The following TBX4 variants were observed in gnomAD, a reference collection of about 807,000 sequenced individuals.
TBX4 encodes T-box transcription factor TBX4.
TBX4 carries 13 observed loss-of-function variants against 54.6 expected under a neutral mutation model. That is an observed-to-expected ratio of 0.24 (90% CI 0.15 to 0.38). TBX4 has a LOEUF of 0.38. Ranked by LOEUF, TBX4 falls within the 10% of genes least tolerant of loss-of-function variation. The pLI, the probability that TBX4 is intolerant of heterozygous loss-of-function variation, is 1.00. For missense variants in TBX4, 631 were observed against 728.5 expected (o/e 0.87, Z 1.54); for synonymous variants, 314 against 306.7 (o/e 1.02, Z -0.25).
Position 61,480,394 on chromosome 17 carries a change from G to GCC in TBX4, c.1021+85_1021+86dup, listed in dbSNP as rs112008276. ...GTTCTCCCCGAAACCACTCTGCAGC[G>GCC]CCCCCCCCCCCAACACACACACACT... is the stretch of plus-strand genomic sequence containing the variant. On this transcript the variant is annotated intron_variant, in intron 8 of 8. Coordinates refer to ENST00000644296, the MANE Select transcript of TBX4 (RefSeq NM_001321120.2). This position sits in a 1 kb window ranked among gnomAD's most constrained non-coding sequence, Gnocchi z 6.2. 772 of 936,184 alleles carry GCC rather than the reference G, an allele frequency of 8.2e-4. 2 individuals are homozygous for GCC. In the African/African-American group the frequency reaches 8.8e-3, roughly 11 times the overall value. 58.0% of individuals were successfully genotyped at this position (936,184 alleles called of 1,614,324 possible).
intron 2 of TBX4, 47 bp downstream of exon 2, chr17:61,456,723 T>C (rs2143793141): frequency 7.6e-7 from 1 of 1,316,494 alleles, no homozygotes; most frequent in Non-Finnish European, 9.8e-7. Context: ...TCGGTCTGTC[T>C]GCGGGGCCGC....
chr17:61,478,235 A>G lies in TBX4; in HGVS notation c.550-392A>G. Reference sequence around the variant, plus strand: ...ACAGAGAAGCCCAGTGACTTGTCTGAGATCAAACAGTGACTCGGTGGCACC... The same window carrying G: ...ACAGAGAAGCCCAGTGACTTGTCTGGGATCAAACAGTGACTCGGTGGCACC... On this transcript the variant is annotated intron_variant, in intron 5 of 8. Transcript: ENST00000644296. The surrounding 1 kb of genome is among the most constrained non-coding windows in gnomAD (Gnocchi z 7.4). The G allele has an allele frequency of 3.2e-6, 1 of 308,504 alleles. No individual in the cohort carries two copies. The highest frequency in any genetic ancestry group is 6.3e-6 in the Non-Finnish European group (1 of 159,000). 19.1% of individuals were successfully genotyped at this position (308,504 alleles called of 1,614,324 possible). A position where few individuals can be genotyped will look rare whatever the true frequency, so the allele number is the denominator to read the frequency against.
chr17:61,456,490 G>T lies in TBX4; in HGVS notation c.-1G>T. Reference sequence around the variant, plus strand: ...CTCGTTGTGTGCTGTGCCCGCAGGAGATGCTGCAGGATAAGGGCCTGTCCG... The same window carrying T: ...CTCGTTGTGTGCTGTGCCCGCAGGATATGCTGCAGGATAAGGGCCTGTCCG... On this transcript the variant is annotated splice_region_variant and 5_prime_UTR_variant, in exon 2 of 9. Transcript: ENST00000644296. The T allele has an allele frequency of 6.4e-7, 1 of 1,568,704 alleles. No homozygotes were observed. The highest frequency in any genetic ancestry group is 2.4e-5 in the East Asian group (1 of 42,386).
In TBX4 at chr17:61,478,446, G is replaced by C. The variant is rs375356455; in HGVS notation, c.550-181G>C. 186 of 738,844 alleles carry C rather than the reference G, an allele frequency of 2.5e-4. 2 individuals carry two copies. The highest frequency in any genetic ancestry group is 1.3e-3 in the South Asian group (76 of 59,108). The allele number at this position is 738,844 out of a possible 1,614,324, so 45.8% of individuals were successfully genotyped here. ...AGAGGCTAAGTAGGGCTGGGGTGGG[G>C]AGAGTTTGGGGCCCAGGGGCCTGGT... On this transcript the variant is annotated intron_variant, in intron 5 of 8. Coordinates refer to ENST00000644296, the MANE Select transcript of TBX4 (RefSeq NM_001321120.2). The surrounding 1 kb of genome is among the most constrained non-coding windows in gnomAD (Gnocchi z 7.4).
rs1328010487 is a variant in TBX4, at chr17:61,456,574, C to T, written c.84C>T (p.Asn28=). Residue 28 remains asparagine (N), a synonymous_variant, in exon 2 of 9, where the codon AAC becomes AAT. Coordinates refer to ENST00000644296, the MANE Select transcript of TBX4 (RefSeq NM_001321120.2). The part of the protein sequence containing the change: ...GPALGEASAA[N]APEPALAAPG... ...CGCTCGGAGAGGCCAGCGCAGCCAACGCCCCCGAGCCCGCGCTGGCAGCGC... is the reference window on the plus strand; with the variant it reads ...CGCTCGGAGAGGCCAGCGCAGCCAATGCCCCCGAGCCCGCGCTGGCAGCGC... The T allele has an allele frequency of 3.2e-6, 5 of 1,540,354 alleles. No homozygotes were observed. Among genetic ancestry groups the T allele is most frequent in the Non-Finnish European group, 4.4e-6 (5 of 1,142,398 alleles).
intron 8 of TBX4, among the ~76,000 whole-genome samples, chr17:61,482,566 G>C (rs539089687): frequency 6.6e-6 from 1 of 152,310 alleles, no homozygotes; most frequent in East Asian, 1.9e-4. Flanking sequence ...GGCCTAGCCT[G>C]AGAATGCCAC....
In TBX4 at chr17:61,461,938, T is replaced by A. The variant is rs547110671; in HGVS notation, c.282-3881T>A. On this transcript the variant is annotated intron_variant, in intron 3 of 8. Transcript: ENST00000644296. The surrounding 1 kb of genome is among the most constrained non-coding windows in gnomAD (Gnocchi z 5.1). ...TCCAGGTGGAGAGAATCTAGGGGTA[T>A]CCCCTAGTCTCTGTCCCTTTCCCCA... Among the ~76,000 whole-genome samples the A allele has an allele frequency of 2.0e-5, 3 of 151,942 alleles. No homozygotes were observed. The highest frequency in any genetic ancestry group is 4.4e-5 in the Non-Finnish European group (3 of 67,942).
chr17:61,472,658 T>C lies in TBX4; in HGVS notation c.549+5001T>C, dbSNP rs2060588930. ...TTCCTTATAGATTTTGGATTTTGAG[T>C]TATTGAAAGCCCTAACCCCCCTCCT... On this transcript the variant is annotated intron_variant, in intron 5 of 8. Transcript: ENST00000644296. The surrounding 1 kb of genome is among the most constrained non-coding windows in gnomAD (Gnocchi z 4.5). Among the ~76,000 whole-genome samples, 1 of 152,212 alleles carries C rather than the reference T, an allele frequency of 6.6e-6. No homozygotes were observed. The highest frequency in any genetic ancestry group is 2.1e-4 in the South Asian group (1 of 4,826).
rs1441900477 is a variant in TBX4, at chr17:61,484,906, A to G, written c.*1390A>G. ...TTTAAATTTTTATTACATGTTTGAT[A>G]TTAAAAACTAAGAATGGTTTAGATA... On this transcript the variant is annotated 3_prime_UTR_variant, in exon 9 of 9. Coordinates refer to ENST00000644296, the MANE Select transcript of TBX4 (RefSeq NM_001321120.2). This position sits in a 1 kb window ranked among gnomAD's most constrained non-coding sequence, Gnocchi z 4.1. The G allele has an allele frequency of 6.8e-6, 1 of 147,390 alleles. No individual in the cohort carries two copies. The highest frequency in any genetic ancestry group is 1.5e-5 in the Non-Finnish European group (1 of 66,980). The allele number at this position is 147,390 out of a possible 1,614,324, so 9.1% of individuals were successfully genotyped here. A position where few individuals can be genotyped will look rare whatever the true frequency, so the allele number is the denominator to read the frequency against.
rs1365414001 is a variant in TBX4, at chr17:61,460,680, T to A, written c.281+3049T>A. 6.6e-6 allele frequency among the ~76,000 whole-genome samples: 1 copy of A among 152,100 alleles called. No individual in the cohort carries two copies. The highest frequency in any genetic ancestry group is 1.5e-5 in the Non-Finnish European group (1 of 68,018). ...CTCCCCACATCCCTGCCAAGCTTGA[T>A]ACATGTGAGAAACTGCATTTTCTCC... is the stretch of plus-strand genomic sequence containing the variant. On this transcript the variant is annotated intron_variant, in intron 3 of 8. Transcript: ENST00000644296. The surrounding 1 kb of genome is among the most constrained non-coding windows in gnomAD (Gnocchi z 4.4).
At chr17:61,454,971 C>A (rs369526791) in intron 1 of TBX4, among the ~76,000 whole-genome samples, 1 of 152,194 alleles carries the variant, frequency 6.6e-6, no homozygotes, top group East Asian at 1.9e-4. Flanking sequence ...GGCAGCTACC[C>A]TACTGGCGCA....
In TBX4 at chr17:61,484,190, G is replaced by A. The variant is rs1428350000; in HGVS notation, c.*674G>A. The A allele has an allele frequency of 6.6e-6, 1 of 152,308 alleles. No homozygotes were observed. The highest frequency in any genetic ancestry group is 1.5e-5 in the Non-Finnish European group (1 of 68,188). 9.4% of individuals were successfully genotyped at this position (152,308 alleles called of 1,614,324 possible). A position where few individuals can be genotyped will look rare whatever the true frequency, so the allele number is the denominator to read the frequency against. ...GGGATGACGTTCGGAAAGGGTCATG[G>A]GCTAAATGTCACCTGAGGGGTATTT... is the stretch of plus-strand genomic sequence containing the variant. On this transcript the variant is annotated 3_prime_UTR_variant, in exon 9 of 9. Coordinates refer to ENST00000644296, the MANE Select transcript of TBX4 (RefSeq NM_001321120.2). This position sits in a 1 kb window ranked among gnomAD's most constrained non-coding sequence, Gnocchi z 4.1.
intron 4 of TBX4, among the ~76,000 whole-genome samples, chr17:61,466,450 G>A (rs576961933): frequency 4.3e-4 from 66 of 152,312 alleles, no homozygotes; most frequent in African/African-American, 1.6e-3. Flanking sequence ...TGGTGGATGG[G>A]ACCCTTTGGC....
chr17:61,467,723 A>G, intron 5 of TBX4, 66 bp downstream of exon 5: 1 of 1,600,666 alleles, frequency 6.2e-7, no homozygotes, highest in Admixed American at 1.7e-5. Flanking sequence ...GGGACAGGCC[A>G]GGATGGGGAT....
Position 61,461,383 on chromosome 17 carries a change from G to GC in TBX4, c.281+3756dup, listed in dbSNP as rs1158218229. 6.6e-6 allele frequency among the ~76,000 whole-genome samples: 1 copy of GC among 152,154 alleles called. No homozygotes were observed. Among genetic ancestry groups the GC allele is most frequent in the African/African-American group, 2.4e-5 (1 of 41,424 alleles). ...GGTCTCAGTGTAGGTGGCACCAGCAGCCCCACTCCTAACCCCAGCCTTGGA... is the reference window on the plus strand; with the variant it reads ...GGTCTCAGTGTAGGTGGCACCAGCAGCCCCCACTCCTAACCCCAGCCTTGGA... On this transcript the variant is annotated intron_variant, in intron 3 of 8. Coordinates refer to ENST00000644296, the MANE Select transcript of TBX4 (RefSeq NM_001321120.2). The surrounding 1 kb of genome is among the most constrained non-coding windows in gnomAD (Gnocchi z 5.1).
chr17:61,472,110 A>G lies in TBX4; in HGVS notation c.549+4453A>G, dbSNP rs1319340461. On this transcript the variant is annotated intron_variant, in intron 5 of 8. Coordinates refer to ENST00000644296, the MANE Select transcript of TBX4 (RefSeq NM_001321120.2). The surrounding 1 kb of genome is among the most constrained non-coding windows in gnomAD (Gnocchi z 4.5). ...CATGTAGCCAGTTCTTGTTGAAGGA[A>G]TTAGATGTTTTTTTATTCTTTGCTC... Among the ~76,000 whole-genome samples the G allele has an allele frequency of 1.3e-5, 2 of 152,138 alleles. No homozygotes were observed. The highest frequency in any genetic ancestry group is 4.8e-5 in the African/African-American group (2 of 41,430).
chr17:61,470,684 A>T (rs8076423), intron 5 of TBX4, among the ~76,000 whole-genome samples: 77,171 of 152,118 alleles, frequency 0.51, 21,146 homozygotes, highest in African/African-American at 0.71. Context: ...GAAAGGACCA[A>T]GGGGCTGGGG....
rs1192632014 is a variant in TBX4, at chr17:61,457,746, C to G, written c.281+115C>G. On this transcript the variant is annotated intron_variant, in intron 3 of 8. Transcript: ENST00000644296. This position sits in a 1 kb window ranked among gnomAD's most constrained non-coding sequence, Gnocchi z 8.2. Reference sequence around the variant, plus strand: ...GGTGGCCTGTGGGAGGCCTCTCTGCCTCCTCGGGCGTCAGTGCCACCTCCC... The same window carrying G: ...GGTGGCCTGTGGGAGGCCTCTCTGCGTCCTCGGGCGTCAGTGCCACCTCCC... 1 of 993,754 alleles carries G rather than the reference C, an allele frequency of 1.0e-6. No homozygotes were observed. The highest frequency in any genetic ancestry group is 1.6e-5 in the African/African-American group (1 of 62,392). 61.6% of individuals were successfully genotyped at this position (993,754 alleles called of 1,614,324 possible).
chr17:61,471,892 ATTTTTTTT>A (rs35198276), intron 5 of TBX4, among the ~76,000 whole-genome samples: 40 of 72,948 alleles, frequency 5.5e-4, no homozygotes, highest in African/African-American at 1.6e-3. Context: ...TGCCCAGCTA[ATTTTTTTT>A]TTTTTTTTTT....
Sources: allele counts gnomAD v4.1 joint callset (sites outside exome capture counted in the v4.1 genomes callset), GRCh38; gene constraint gnomAD v4.1.1; non-coding constraint Gnocchi (gnomAD v3.1); transcripts MANE v1.5; gene names NCBI Gene and HGNC (gene_info 2026-07-23, HGNC 2026-07-21).